The following AFF3 variants were observed in gnomAD, a reference collection of about 807,000 sequenced individuals.
AFF3 encodes AF4/FMR2 family member 3.
Under a neutral mutation model 129.7 loss-of-function variants are expected in AFF3, and 32 were observed. The ratio of observed to expected loss-of-function variants is 0.25; its 90% CI spans 0.19 to 0.33. AFF3 has a LOEUF of 0.33. Ranked by LOEUF, AFF3 falls within the 10% of genes least tolerant of loss-of-function variation. AFF3 has a pLI of 1.00. For missense variants in AFF3, 1,373 were observed against 1,592.0 expected (o/e 0.86, Z 2.34); for synonymous variants, 644 against 635.4 (o/e 1.01, Z -0.20).
intron 13 of AFF3, among the ~76,000 whole-genome samples, chr2:99,648,917 A>ACACACACACACTCTCTCTCTCTCTCT: frequency 1.5e-4 from 7 of 46,930 alleles, no homozygotes; most frequent in African/African-American, 3.2e-4. Flanking sequence ...ACACACACAC[A>ACACACACACACTCTCTCTCTCTCTCT]CTCTCTCTCT....
chr2:99,608,005 T>G (rs1386149504), intron 13 of AFF3, among the ~76,000 whole-genome samples: 1 of 152,242 alleles, frequency 6.6e-6, no homozygotes, highest in Non-Finnish European at 1.5e-5. Context: ...GCTTCTATCC[T>G]GAAATGTAAT....
At chr2:99,945,797 T>G (rs906488929) in intron 7 of AFF3, among the ~76,000 whole-genome samples, 1 of 152,176 alleles carries the variant, frequency 6.6e-6, no homozygotes, top group African/African-American at 2.4e-5. Flanking sequence ...AAGTAAGCCA[T>G]GCTTATGGAA....
chr2:100,108,454 T>C (rs1049219210), intron 2 of AFF3, among the ~76,000 whole-genome samples: 1 of 152,082 alleles, frequency 6.6e-6, no homozygotes, highest in Non-Finnish European at 1.5e-5. Context: ...ACATGGGGCA[T>C]AGGGACCATC....
At chr2:99,760,099 A>C (rs1682455412) in intron 8 of AFF3, among the ~76,000 whole-genome samples, 1 of 152,212 alleles carries the variant, frequency 6.6e-6, no homozygotes, top group Non-Finnish European at 1.5e-5. Context: ...TCAATAAAAG[A>C]CAGTACTGAT....
In AFF3 at chr2:99,703,764, T is replaced by C. The variant is rs2104804319; in HGVS notation, c.1091+23313A>G. Among the ~76,000 whole-genome samples, 3 of 152,248 alleles carry C rather than the reference T, an allele frequency of 2.0e-5. 1 individual carries two copies. In the Middle Eastern group the frequency reaches 0.01, roughly 518 times the overall value. On this transcript the variant is annotated intron_variant, in intron 11 of 24. Transcript: ENST00000672756. The stretch of plus-strand genomic sequence containing the variant: ...AGGCTGGAGTGCAGTGGCATGATCA[T>C]AGCTCACTACATCCTCACACATCTG...
chr2:99,618,369 G>A (rs1476525101), intron 13 of AFF3, among the ~76,000 whole-genome samples: 2 of 150,858 alleles, frequency 1.3e-5, no homozygotes, highest in Non-Finnish European at 2.9e-5. Context: ...CTGAGTAGCT[G>A]GGATTACAGA....
At chr2:99,937,040 C>A (rs1674583545) in intron 7 of AFF3, among the ~76,000 whole-genome samples, 4 of 152,174 alleles carry the variant, frequency 2.6e-5, no homozygotes, top group Admixed American at 2.6e-4. Context: ...GGACCTATTT[C>A]TTGATGGACA....
chr2:99,613,099 A>G (rs1310592826), intron 13 of AFF3, among the ~76,000 whole-genome samples: 2 of 152,198 alleles, frequency 1.3e-5, no homozygotes, highest in African/African-American at 2.4e-5. Context: ...GGAAATGACT[A>G]TTCATGTATT....
In AFF3 at chr2:99,594,239, T is replaced by G; in HGVS notation, c.1422A>C (p.Lys474Asn). ...GAATAGGAGGCTTGTGGGGATTAAC[T>G]TTGTTTAGCCATTTATCCAGCTGCC... is the stretch of plus-strand genomic sequence containing the variant. ...NKWQLDKWLN[K>N]VNPHKPPILI... The change falls in exon 15 of 25, where the codon AAA (lysine) becomes AAC (asparagine). Residue 474 changes from lysine to asparagine, a missense_variant. Physicochemically the swap from Lys to Asn is moderately conservative, Grantham distance 94. Transcript: ENST00000672756. 1 of 1,613,326 alleles carries G rather than the reference T, an allele frequency of 6.2e-7. No individual in the cohort carries two copies. The highest frequency in any genetic ancestry group is 8.5e-7 in the Non-Finnish European group (1 of 1,179,482).
chr2:99,978,634 C>A (rs1679105668), intron 7 of AFF3, among the ~76,000 whole-genome samples: 2 of 152,100 alleles, frequency 1.3e-5, no homozygotes, highest in Admixed American at 1.3e-4. Flanking sequence ...TGTGTCCCCA[C>A]AAAATTCTCA....
At chr2:99,811,319 T>A (rs778973150) in intron 8 of AFF3, among the ~76,000 whole-genome samples, 6 of 152,218 alleles carry the variant, frequency 3.9e-5, no homozygotes, top group Non-Finnish European at 5.9e-5. Context: ...TTGACATTCA[T>A]CCTTTTGGTT....
intron 11 of AFF3, among the ~76,000 whole-genome samples, chr2:99,719,788 C>T (rs1200191502): frequency 5.9e-5 from 9 of 152,154 alleles, no homozygotes; most frequent in African/African-American, 1.4e-4. Context: ...CGGTGGCTCA[C>T]GCCTTAATCC....
chr2:99,755,219 G>A (rs978355683), intron 8 of AFF3, among the ~76,000 whole-genome samples: 4 of 150,646 alleles, frequency 2.7e-5, no homozygotes, highest in African/African-American at 4.9e-5. Flanking sequence ...TCAGACTAAC[G>A]GCTCCCTCCA....
At chr2:99,994,753 C>A (rs1176368565) in intron 7 of AFF3, among the ~76,000 whole-genome samples, 2 of 152,138 alleles carry the variant, frequency 1.3e-5, no homozygotes, top group Non-Finnish European at 2.9e-5. Flanking sequence ...GAGATCAAGC[C>A]TGGGTCAGAT....
intron 4 of AFF3, among the ~76,000 whole-genome samples, chr2:100,030,547 T>C (rs183517057): frequency 7.9e-5 from 12 of 152,334 alleles, no homozygotes; most frequent in African/African-American, 2.6e-4. Flanking sequence ...TGTACGTCCA[T>C]ATAAAAATCT....
rs569942527 is a variant in AFF3, at chr2:99,999,022, C to T, written c.873+7610G>A. Among the ~76,000 whole-genome samples the T allele has an allele frequency of 1.6e-4, 24 of 152,204 alleles. No homozygotes were observed. The East Asian group carries it at 3.5e-3, about 22-fold the overall frequency. On this transcript the variant is annotated intron_variant, in intron 7 of 24. Transcript: ENST00000672756. ...CACATCATCTTGTGGCCACAGAACA[C>T]GACCATCTGTGGGAGCACACGCACA...
chr2:99,676,057 C>T (rs576753779), intron 11 of AFF3, among the ~76,000 whole-genome samples: 16 of 151,248 alleles, frequency 1.1e-4, no homozygotes, highest in Admixed American at 5.9e-4. Context: ...GTCATCTGCA[C>T]GGAAGGACTA....
chr2:99,931,021 G>C (rs1696639622), intron 7 of AFF3, among the ~76,000 whole-genome samples: 1 of 152,304 alleles, frequency 6.6e-6, no homozygotes, highest in East Asian at 1.9e-4. Context: ...GAAATTTACA[G>C]ACCCAGTCTT....
intron 7 of AFF3, among the ~76,000 whole-genome samples, chr2:99,868,181 G>A (rs1691588287): frequency 6.6e-6 from 1 of 152,060 alleles, no homozygotes. Context: ...TGTATTCTCA[G>A]GTCTACCCAT....
Sources: gnomAD v4.1 joint callset for allele counts (sites outside exome capture counted in the v4.1 genomes callset) on GRCh38, gnomAD v4.1.1 for gene constraint, MANE v1.5 for transcripts, NCBI Gene and HGNC (gene_info 2026-07-23, HGNC 2026-07-21) for gene names.